The following ZBBX variants were observed in gnomAD, a reference collection of about 807,000 sequenced individuals.
ZBBX encodes zinc finger B-box domain-containing protein 1.
Under a neutral mutation model 108.5 loss-of-function variants are expected in ZBBX, and 101 were observed. The observed-to-expected ratio is 0.93, with a 90% CI of 0.79 to 1.10. ZBBX has a LOEUF of 1.10. Among genes scored for constraint, ZBBX ranks in the 50% least tolerant of loss-of-function variants. ZBBX has a pLI of 0.00. For synonymous variants in ZBBX, 356 were observed against 323.4 expected, an observed-to-expected ratio of 1.10 and a Z score of -1.08; for missense variants, 1,009 against 941.4, an observed-to-expected ratio of 1.07 and a Z score of -0.94.
At chr3:167,334,308 C>G (rs754277156) in intron 9 of ZBBX, among the ~76,000 whole-genome samples, 2 of 152,056 alleles carry the variant, frequency 1.3e-5, no homozygotes, top group South Asian at 4.2e-4. Flanking sequence ...CGTGGTGGCT[C>G]GCTCCTGTAA....
At chr3:167,360,991 C>T (rs1744415968) in intron 6 of ZBBX, among the ~76,000 whole-genome samples, 1 of 151,832 alleles carries the variant, frequency 6.6e-6, no homozygotes, top group Non-Finnish European at 1.5e-5. Flanking sequence ...TAAACAAAAA[C>T]CATTATATCT....
intron 1 of ZBBX, among the ~76,000 whole-genome samples, chr3:167,394,964 T>A (rs1318917752): frequency 6.6e-6 from 1 of 152,072 alleles, no homozygotes; most frequent in Non-Finnish European, 1.5e-5. Flanking sequence ...TTGTGAGCCA[T>A]GAGTTAGCTC....
the ZBBX span, among the ~76,000 whole-genome samples, chr3:167,223,697 T>C: frequency 3.3e-5 from 5 of 151,964 alleles, no homozygotes; most frequent in Non-Finnish European, 7.4e-5. Flanking sequence ...AACTTGGAAA[T>C]TCAGGCAAAA....
intron 20 of ZBBX, among the ~76,000 whole-genome samples, chr3:167,262,206 CGG>C (rs71176634): frequency 6.6e-6 from 1 of 151,782 alleles, no homozygotes; most frequent in Non-Finnish European, 1.5e-5. Flanking sequence ...TTTTGTGGGT[CGG>C]GGGGGGCGTC....
At chr3:167,214,226 A>G in the ZBBX span, among the ~76,000 whole-genome samples, 1 of 152,080 alleles carries the variant, frequency 6.6e-6, no homozygotes, top group South Asian at 2.1e-4. Flanking sequence ...TGGCAAGCTG[A>G]ATAAAAAAAG....
intron 20 of ZBBX, among the ~76,000 whole-genome samples, chr3:167,262,823 C>T (rs576822883): frequency 1.1e-4 from 16 of 152,216 alleles, no homozygotes; most frequent in Non-Finnish European, 1.8e-4. Context: ...TCTTTTTCAT[C>T]ACTGATTTTA....
upstream of ZBBX, among the ~76,000 whole-genome samples, chr3:167,383,125 T>G (rs1315562370): frequency 6.6e-6 from 1 of 152,064 alleles, no homozygotes; most frequent in Non-Finnish European, 1.5e-5. Flanking sequence ...ATACCAAACC[T>G]TTGGAAGAAA....
At chr3:167,230,875 A>G in the ZBBX span, among the ~76,000 whole-genome samples, 1 of 151,726 alleles carries the variant, frequency 6.6e-6, no homozygotes, top group Non-Finnish European at 1.5e-5. Context: ...TGAAGTGGAG[A>G]TTTTGGATTA....
chr3:167,282,720 T>G (rs1461063292), intron 19 of ZBBX: 4 of 447,976 alleles, frequency 8.9e-6, no homozygotes, highest in African/African-American at 7.9e-5. Flanking sequence ...TTTTCCTAAT[T>G]TTCCTACATT....
chr3:167,320,788 A>T (rs1388424825), intron 12 of ZBBX, among the ~76,000 whole-genome samples: 1 of 152,002 alleles, frequency 6.6e-6, no homozygotes, highest in Non-Finnish European at 1.5e-5. Context: ...ATTTTTCCTC[A>T]CAGTGTATAA....
intron 2 of ZBBX, among the ~76,000 whole-genome samples, chr3:167,376,477 ATCTG>A (rs1351350765): frequency 5.3e-5 from 8 of 152,332 alleles, no homozygotes; most frequent in South Asian, 2.1e-4. Context: ...TCCAAAGTTA[ATCTG>A]TCTGATTATT....
the ZBBX span, among the ~76,000 whole-genome samples, chr3:167,203,060 A>T: frequency 1.1e-4 from 17 of 152,286 alleles, no homozygotes; most frequent in Middle Eastern, 3.4e-3. Flanking sequence ...TGCCAATTAT[A>T]TTAGTTTACT....
chr3:167,218,309 A>G, the ZBBX span, among the ~76,000 whole-genome samples: 1 of 152,166 alleles, frequency 6.6e-6, no homozygotes, highest in Non-Finnish European at 1.5e-5. Context: ...AAGAGTAAGT[A>G]CACAGAAAAA....
At chr3:167,350,605 T>C in intron 8 of ZBBX, 90 bp from the exon 9 acceptor site, 1 of 906,306 alleles carries the variant, frequency 1.1e-6, no homozygotes, top group Non-Finnish European at 1.6e-6. Flanking sequence ...TGTTTTTTAA[T>C]ATTTATTTCT....
intron 9 of ZBBX, among the ~76,000 whole-genome samples, chr3:167,342,775 G>T (rs1241119034): frequency 4.7e-5 from 7 of 149,158 alleles, no homozygotes; most frequent in Non-Finnish European, 8.9e-5. Flanking sequence ...TATCTTTCTG[G>T]TCCATGGTAA....
At chr3:167,403,834 C>T (rs188168727) in intron 1 of ZBBX, among the ~76,000 whole-genome samples, 108 of 151,650 alleles carry the variant, frequency 7.1e-4, no homozygotes, top group South Asian at 2.9e-3. Context: ...AAATAGAATG[C>T]TAACTTAATA....
At chr3:167,279,989 C>A (rs1045267105) in intron 20 of ZBBX, among the ~76,000 whole-genome samples, 7 of 151,658 alleles carry the variant, frequency 4.6e-5, no homozygotes, top group Non-Finnish European at 5.9e-5. Flanking sequence ...CAAAAACAAG[C>A]AATGGGGAAA....
chr3:167,236,778 A>T (rs1014652549), downstream of ZBBX, among the ~76,000 whole-genome samples: 1 of 151,822 alleles, frequency 6.6e-6, no homozygotes, highest in Non-Finnish European at 1.5e-5. Flanking sequence ...ATGGAACATG[A>T]TCTATACTCT....
In ZBBX at chr3:167,242,614, A is replaced by C. The variant is rs1720879023; in HGVS notation, c.2284T>G (p.Ser762Ala). ...CTGCTGAAATCTGGGAACTCTTCTG[A>C]GGTTAAGCTGTAAAGCTTTTCTGAA... The part of the protein sequence containing the change: ...DTSEKLYSLT[S>A]EEFPDFSSQS... The change falls in exon 21 of 22, where the codon TCA (serine) becomes GCA (alanine). Residue 762 changes from serine (S) to alanine (A), a missense_variant. By Grantham distance (99) the Ser-to-Ala change is moderately conservative. Transcript: ENST00000675490. 6.2e-7 allele frequency: 1 copy of C among 1,612,586 alleles called. No individual in the cohort carries two copies. The highest frequency in any genetic ancestry group is 8.5e-7 in the Non-Finnish European group (1 of 1,179,528).
Sources: gnomAD v4.1 joint callset for allele counts (sites outside exome capture counted in the v4.1 genomes callset) on GRCh38, gnomAD v4.1.1 for gene constraint, MANE v1.5 for transcripts, NCBI Gene and HGNC (gene_info 2026-07-23, HGNC 2026-07-21) for gene names.